The following HUNK variants were observed in gnomAD, a reference collection of about 807,000 sequenced individuals.
HUNK encodes the protein hormonally up-regulated Neu-associated kinase.
In HUNK, 21 loss-of-function variants were observed where a neutral mutation model predicts 61.0. The ratio of observed to expected loss-of-function variants is 0.34; its 90% confidence interval spans 0.24 to 0.50. The LOEUF is 0.50. Ranked by LOEUF, HUNK falls within the 20% of genes least tolerant of loss-of-function variation. The probability of loss-of-function intolerance (pLI) is 0.98; values close to 1 mark genes in which losing one functional copy is unlikely to be tolerated. For missense variants in HUNK, 772 were observed against 945.7 expected, an observed-to-expected ratio of 0.82 and a Z score of 2.41; for synonymous variants, 371 against 386.1, an observed-to-expected ratio of 0.96 and a Z score of 0.46.
intron 7 of HUNK, 26 bp downstream of exon 7, chr21:31,974,743 T>A: frequency 2.6e-6 from 4 of 1,561,790 alleles, no homozygotes; most frequent in Non-Finnish European, 3.5e-6. Context: ...GAGGCGATCG[T>A]CTCTGCTGTC....
chr21:31,913,985 C>A (rs1440931648), intron 1 of HUNK, among the ~76,000 whole-genome samples: 3 of 152,130 alleles, frequency 2.0e-5, no homozygotes, highest in Non-Finnish European at 2.9e-5. Context: ...CTGACCACCA[C>A]TTATTGAGGA....
At chr21:31,978,184 C>T (rs575081626) in intron 7 of HUNK, among the ~76,000 whole-genome samples, 3 of 152,222 alleles carry the variant, frequency 2.0e-5, no homozygotes, top group African/African-American at 7.2e-5. Flanking sequence ...GGGTTGTTTT[C>T]AATTAAATTT....
chr21:31,926,247 T>C (rs1178728894), intron 2 of HUNK, among the ~76,000 whole-genome samples: 1 of 152,318 alleles, frequency 6.6e-6, no homozygotes, highest in East Asian at 1.9e-4. Context: ...GTGCTTATTT[T>C]AAAAAGCAAG....
intron 2 of HUNK, among the ~76,000 whole-genome samples, chr21:31,929,514 T>C (rs1224199480): frequency 6.6e-6 from 1 of 152,228 alleles, no homozygotes; most frequent in African/African-American, 2.4e-5. Context: ...CTATTGTATA[T>C]AGAGCATCAA....
intron 1 of HUNK, among the ~76,000 whole-genome samples, chr21:31,914,110 G>T (rs74372666): frequency 1.3e-5 from 2 of 152,078 alleles, no homozygotes. Flanking sequence ...AAGAGGAACT[G>T]TAAGACCTGG....
chr21:31,926,279 G>A lies in HUNK; in HGVS notation c.554+1519G>A, dbSNP rs186556125. The stretch of plus-strand genomic sequence containing the variant: ...CAAGATTGAGGCATGACATATTTAT[G>A]TGTGTGTATATATATAAACATGCAC... On this transcript the variant is annotated intron_variant, in intron 2 of 10. Transcript: ENST00000270112. 2.1e-3 allele frequency among the ~76,000 whole-genome samples: 315 copies of A among 152,252 alleles called. 1 individual carries two copies. Among genetic ancestry groups the A allele is most frequent in the African/African-American group, 7.3e-3 (302 of 41,556 alleles).
At chr21:31,896,992 C>T (rs2052429514) in intron 1 of HUNK, among the ~76,000 whole-genome samples, 1 of 152,196 alleles carries the variant, frequency 6.6e-6, no homozygotes, top group Non-Finnish European at 1.5e-5. Context: ...CACCTGTAAT[C>T]CCAGCACTTT....
At chr21:31,931,998 C>T (rs1269364787) in intron 2 of HUNK, among the ~76,000 whole-genome samples, 1 of 149,954 alleles carries the variant, frequency 6.7e-6, no homozygotes, top group Non-Finnish European at 1.5e-5. Context: ...GTGTATGCAA[C>T]ACGTATGTGC....
intron 1 of HUNK, among the ~76,000 whole-genome samples, chr21:31,885,519 C>T (rs2052339929): frequency 6.6e-6 from 1 of 152,172 alleles, no homozygotes; most frequent in African/African-American, 2.4e-5. Flanking sequence ...CACCACAGAC[C>T]CGGGGGCTGG....
intron 1 of HUNK, among the ~76,000 whole-genome samples, chr21:31,874,141 G>A (rs1206800827): frequency 2.6e-5 from 4 of 152,072 alleles, no homozygotes; most frequent in Non-Finnish European, 5.9e-5. Flanking sequence ...CTGCCCGGGG[G>A]TTGGGGGCTT....
At position 31,943,355 on chromosome 21, in the gene HUNK, G is replaced by A. The variant is rs185517929; in HGVS notation, c.611-2681G>A. On this transcript the variant is annotated intron_variant, in intron 3 of 10. Coordinates refer to ENST00000270112, the MANE Select transcript of HUNK (RefSeq NM_014586.2). ...TATTCCAAAACAGGTTCACTTGGGC[G>A]TTTTGTGAGATTCATTCTGTAGCTC... 9.2e-5 allele frequency among the ~76,000 whole-genome samples: 14 copies of A among 152,212 alleles called. No individual in the cohort carries two copies. The East Asian group carries it at 2.5e-3, about 27-fold the overall frequency.
At chr21:31,907,978 G>T (rs1266877717) in intron 1 of HUNK, among the ~76,000 whole-genome samples, 1 of 151,804 alleles carries the variant, frequency 6.6e-6, no homozygotes, top group African/African-American at 2.4e-5. Flanking sequence ...GTGACAGAGC[G>T]AGTCTCCATC....
At chr21:31,976,746 C>T (rs1376925262) in intron 7 of HUNK, among the ~76,000 whole-genome samples, 2 of 149,362 alleles carry the variant, frequency 1.3e-5, no homozygotes, top group Non-Finnish European at 3.0e-5. Context: ...GGATTATAGG[C>T]GTGAGCCAAA....
chr21:31,903,756 A>G (rs2052486064), intron 1 of HUNK, among the ~76,000 whole-genome samples: 1 of 152,244 alleles, frequency 6.6e-6, no homozygotes, highest in Non-Finnish European at 1.5e-5. Context: ...CACAGTTTCA[A>G]AAGGACTGTG....
At chr21:31,980,411 T>G (rs2053088542) in intron 7 of HUNK, among the ~76,000 whole-genome samples, 1 of 138,780 alleles carries the variant, frequency 7.2e-6, no homozygotes, top group East Asian at 2.2e-4. Context: ...GGAGTCTCGC[T>G]CTGTCACCAG....
chr21:31,913,252 G>A (rs1025241899), intron 1 of HUNK, among the ~76,000 whole-genome samples: 2 of 152,104 alleles, frequency 1.3e-5, no homozygotes, highest in Admixed American at 6.5e-5. Context: ...TGTAACCTGA[G>A]GCCAGTGGCG....
Position 31,990,115 on chromosome 21 carries a change from G to A in HUNK, c.1258-14G>A. 6.2e-7 allele frequency: 1 copy of A among 1,613,254 alleles called. No homozygotes were observed. The highest frequency in any genetic ancestry group is 8.5e-7 in the Non-Finnish European group (1 of 1,179,250). On this transcript the variant is annotated splice_polypyrimidine_tract_variant and intron_variant, in intron 8 of 10. Coordinates refer to ENST00000270112, the MANE Select transcript of HUNK (RefSeq NM_014586.2). ...GCAGATTCTCGAATTGTTGAAGGAT[G>A]TTCCTTTTCACAGGCCTCTCTGGAC... is the stretch of plus-strand genomic sequence containing the variant.
chr21:31,972,519 C>T (rs2053018638), intron 6 of HUNK, among the ~76,000 whole-genome samples: 1 of 152,138 alleles, frequency 6.6e-6, no homozygotes, highest in African/African-American at 2.4e-5. Context: ...GGGGTGTCTG[C>T]CCCTGTGCAC....
At chr21:31,948,489 G>A (rs1489127970) in intron 4 of HUNK, among the ~76,000 whole-genome samples, 2 of 152,142 alleles carry the variant, frequency 1.3e-5, no homozygotes, top group Non-Finnish European at 2.9e-5. Flanking sequence ...GCCTCACCGT[G>A]AGGTCTCAGT....
Sources: allele counts gnomAD v4.1 joint callset (sites outside exome capture counted in the v4.1 genomes callset), GRCh38; gene constraint gnomAD v4.1.1; transcripts MANE v1.5; gene names NCBI Gene and HGNC (gene_info 2026-07-23, HGNC 2026-07-21).